ACAP1: variants seen among roughly 807,000 people sequenced by gnomAD.
The protein encoded by ACAP1 is arf-GAP with coiled-coil, ANK repeat and PH domain-containing protein 1.
A neutral mutation model predicts 98.8 loss-of-function variants in ACAP1; 45 were observed. The observed-to-expected ratio is 0.46, with a 90% CI of 0.36 to 0.58. The LOEUF is 0.58. Among genes scored for constraint, ACAP1 ranks in the 20% least tolerant of loss-of-function variants. The pLI, the probability that ACAP1 is intolerant of heterozygous loss-of-function variation, is 0.00. For missense variants in ACAP1, 735 were observed against 971.4 expected (o/e 0.76, Z 3.24); for synonymous variants, 362 against 375.3 (o/e 0.96, Z 0.41).
chr17:7,349,514 T>A (rs1332637677), intron 18 of ACAP1: 2 of 264,352 alleles, frequency 7.6e-6, no homozygotes, highest in Non-Finnish European at 1.4e-5. Flanking sequence ...TAGCTGGGAC[T>A]ACAGGCGCCA....
Position 7,342,024 on chromosome 17 carries a change from T to C in ACAP1, c.188T>C (p.Ile63Thr), listed in dbSNP as rs73977652. ...GCCAGCCGCGCCTTCGTTGTCGGCA[T>C]TTGTGACCTGGCCCGCCTGGGTCCA... ...LAASRAFVVGICDLARLGPPE... is the reference protein window; with the variant it reads ...LAASRAFVVGTCDLARLGPPE... Residue 63 changes from isoleucine to threonine, a missense_variant, in exon 3 of 22, where the codon ATT becomes ACT. By Grantham distance (89) the Ile-to-Thr change is moderately conservative. Around this residue, in one of 5 missense-constraint regions of ACAP1, gnomAD observed 430 missense variants for 531.8 expected, o/e 0.81. Transcript: ENST00000158762. The C allele has an allele frequency of 1.2e-5, 19 of 1,614,160 alleles. No homozygotes were observed. In the African/African-American group the frequency reaches 2.4e-4, roughly 20 times the overall value.
intron 1 of ACAP1, 79 bp downstream of exon 1, chr17:7,336,866 G>A (rs1439798915): frequency 6.6e-7 from 1 of 1,520,572 alleles, no homozygotes. Context: ...CCCCAGGCCA[G>A]GTCTCCTTCC....
Position 7,344,754 on chromosome 17 carries a change from T to C in ACAP1, c.854+106T>C. On this transcript the variant is annotated intron_variant, in intron 10 of 21. Coordinates refer to ENST00000158762, the MANE Select transcript of ACAP1 (RefSeq NM_014716.4). This position sits in a 1 kb window ranked among gnomAD's most constrained non-coding sequence, Gnocchi z 4.9. ...GGAAAAACAGACGAACCCCCCTGCC[T>C]CAGTAGAGTTTCATTCCATCAGCAA... 1.3e-6 allele frequency: 1 copy of C among 749,586 alleles called. No homozygotes were observed. The highest frequency in any genetic ancestry group is 2.7e-5 in the East Asian group (1 of 37,004). 46.4% of individuals were successfully genotyped at this position (749,586 alleles called of 1,614,324 possible).
rs147441123 is a variant in ACAP1, at chr17:7,343,922, G to A, written c.635G>A (p.Arg212Gln). 1.3e-4 allele frequency: 208 copies of A among 1,605,690 alleles called. 1 individual carries two copies. In the African/African-American group the frequency reaches 2.3e-3, roughly 18 times the overall value. The change falls in exon 8 of 22, where the codon CGG becomes CAG. Residue 212 changes from arginine (R) to glutamine (Q), a missense_variant. Physicochemically the swap from Arg to Gln is conservative, Grantham distance 43. Transcript: ENST00000158762. The surrounding 1 kb of genome is among the most constrained non-coding windows in gnomAD (Gnocchi z 4.9). ...CAGCAGGGCCATGAGGAGCTGAGCC[G>A]GCTGTCCCAGTATCGAAAGGAGCTG... ...HFQQGHEELS[R>Q]LSQYRKELGA...
At position 7,344,584 on chromosome 17, in the gene ACAP1, G is replaced by T; in HGVS notation, c.790G>T (p.Gly264Cys). ...AGAACCAAGCTTAAGAGAGGGGCCTGGTGGCCTGGTGATGGAAGGACATCT... is the reference window on the plus strand; with the variant it reads ...AGAACCAAGCTTAAGAGAGGGGCCTTGTGGCCTGGTGATGGAAGGACATCT... ...EPEPSLREGP[G>C]GLVMEGHLFK... The change falls in exon 10 of 22, where the codon GGT becomes TGT. Residue 264 changes from glycine (G) to cysteine (C), a missense_variant. This residue lies in a region of ACAP1 where 430 missense variants were observed against 531.8 expected (regional missense o/e 0.81). Transcript: ENST00000158762. The surrounding 1 kb of genome is among the most constrained non-coding windows in gnomAD (Gnocchi z 4.9). 1 of 1,551,522 alleles carries T rather than the reference G, an allele frequency of 6.4e-7. No homozygotes were observed. The highest frequency in any genetic ancestry group is 8.7e-7 in the Non-Finnish European group (1 of 1,146,962).
At position 7,351,458 on chromosome 17, in the gene ACAP1, GC is replaced by G; in HGVS notation, c.*65del. 1 of 1,259,356 alleles carries G rather than the reference GC, an allele frequency of 7.9e-7. No individual in the cohort carries two copies. Among genetic ancestry groups the G allele is most frequent in the Non-Finnish European group, 1.1e-6 (1 of 885,524 alleles). 78.0% of individuals were successfully genotyped at this position (1,259,356 alleles called of 1,614,324 possible). ...CGCCACCGGGCCCTCTGCCATTAAA[GC>G]CTCCGTGCTTCGCTCTTCCCTTCTG... On this transcript the variant is annotated 3_prime_UTR_variant, in exon 22 of 22. Transcript: ENST00000158762.
chr17:7,344,006 A>G lies in ACAP1; in HGVS notation c.670-43A>G, dbSNP rs1274077662. ...GGTAGAGGGAGGTTAGGGACTCCTA[A>G]CTGGGGGGCCTTGGACATCTGAGAT... On this transcript the variant is annotated intron_variant, in intron 8 of 21. Coordinates refer to ENST00000158762, the MANE Select transcript of ACAP1 (RefSeq NM_014716.4). The surrounding 1 kb of genome is among the most constrained non-coding windows in gnomAD (Gnocchi z 4.9). 6.3e-7 allele frequency: 1 copy of G among 1,576,128 alleles called. No homozygotes were observed. The highest frequency in any genetic ancestry group is 1.9e-5 in the Admixed American group (1 of 53,616).
Position 7,347,047 on chromosome 17 carries a change from C to A in ACAP1, c.1148C>A (p.Ala383Asp). Residue 383 changes from alanine to aspartate, a missense_variant, in exon 14 of 22, where the codon GCC becomes GAC. Ala to Asp is a moderately radical substitution (Grantham distance 126, BLOSUM62 -2). Transcript: ENST00000158762. Reference sequence around the variant, plus strand: ...CTCCCCCAGGGCTCAGGACACCTGGCCATAGGCTCTGCTGCCACCCTGGGC... The same window carrying A: ...CTCCCCCAGGGCTCAGGACACCTGGACATAGGCTCTGCTGCCACCCTGGGC... ...RGPGQGSGHL[A>D]IGSAATLGSG... 6.3e-7 allele frequency: 1 copy of A among 1,598,378 alleles called. No individual in the cohort carries two copies. Among genetic ancestry groups the A allele is most frequent in the Non-Finnish European group, 8.5e-7 (1 of 1,170,482 alleles).
chr17:7,341,302 T>C (rs1275975645), intron 2 of ACAP1, among the ~76,000 whole-genome samples: 2 of 152,082 alleles, frequency 1.3e-5, no homozygotes, highest in Non-Finnish European at 2.9e-5. Flanking sequence ...AGGCACTTGG[T>C]GCCATCTCAG....
chr17:7,346,980 A>G (rs1216619379), intron 13 of ACAP1, 49 bp downstream of exon 13: 32 of 1,583,586 alleles, frequency 2.0e-5, no homozygotes, highest in Non-Finnish European at 2.8e-5. Context: ...GAGATGGGGC[A>G]CCCTTTACCC....
chr17:7,337,895 T>C (rs2073237604), intron 2 of ACAP1, among the ~76,000 whole-genome samples: 1 of 151,988 alleles, frequency 6.6e-6, no homozygotes, highest in South Asian at 2.1e-4. Flanking sequence ...TGTTCTGCTC[T>C]TGAGCTCCTG....
intron 17 of ACAP1, 133 bp from the exon 18 acceptor site, chr17:7,348,862 T>TA: frequency 1.2e-6 from 1 of 831,232 alleles, no homozygotes; most frequent in Admixed American, 2.2e-5. Context: ...TGCATCACTC[T>TA]ATTCCCTCCA....
Position 7,342,295 on chromosome 17 carries a change from C to G in ACAP1, c.252C>G (p.Thr84=). 1 of 1,614,122 alleles carries G rather than the reference C, an allele frequency of 6.2e-7. No homozygotes were observed. Among genetic ancestry groups the G allele is most frequent in the Non-Finnish European group, 8.5e-7 (1 of 1,180,020 alleles). Residue 84 remains threonine, a synonymous_variant, in exon 4 of 22, where the codon ACC becomes ACG. Transcript: ENST00000158762. ...PMMAECLEKF[T]VSLNHKLDSH... ...CCTAGGAGTGTCTGGAAAAATTCAC[C>G]GTGAGCCTGAACCACAAGCTGGACA...
chr17:7,347,322 C>A, intron 14 of ACAP1, 80 bp downstream of exon 14: 1 of 1,317,748 alleles, frequency 7.6e-7, no homozygotes, highest in East Asian at 2.4e-5. Flanking sequence ...TCACACCGGC[C>A]CCTCTTCCTT....
rs749927164 is a variant in ACAP1, at chr17:7,348,433, C to G, written c.1636C>G (p.Pro546Ala). The change falls in exon 17 of 22, where the codon CCT (proline) becomes GCT (alanine). Residue 546 changes from proline (P) to alanine (A), a missense_variant. This residue lies in a region of ACAP1 where 80 missense variants were observed against 64.4 expected (regional missense o/e 1.24). Coordinates refer to ENST00000158762, the MANE Select transcript of ACAP1 (RefSeq NM_014716.4). ...PRGQPPVPPK[P>A]SIRPRPGSLR... ...GGGGCAGCCTCCTGTGCCCCCAAAG[C>G]CTTCCATCAGGCCCCGGCCAGGGAG... 2.0e-6 allele frequency: 3 copies of G among 1,504,748 alleles called. No individual in the cohort carries two copies. Among genetic ancestry groups the G allele is most frequent in the Non-Finnish European group, 2.7e-6 (3 of 1,128,310 alleles). The allele number at this position is 1,504,748 out of a possible 1,614,324, so 93.2% of individuals were successfully genotyped here. A position where few individuals can be genotyped will look rare whatever the true frequency, so the allele number is the denominator to read the frequency against.
chr17:7,342,794 G>A (rs2073301576), intron 5 of ACAP1: 1 of 396,670 alleles, frequency 2.5e-6, no homozygotes, highest in Admixed American at 4.0e-5. Flanking sequence ...TGTAATCCCA[G>A]CTACTCAGGA....
At chr17:7,341,806 G>T (rs996882206) in intron 2 of ACAP1, 142 bp from the exon 3 acceptor site, 22 of 1,188,094 alleles carry the variant, frequency 1.9e-5, no homozygotes, top group Admixed American at 4.6e-5. Flanking sequence ...GGGAGAGCTG[G>T]ATGAGCCTGG....
At chr17:7,341,062 G>A (rs914516581) in intron 2 of ACAP1, among the ~76,000 whole-genome samples, 7 of 152,138 alleles carry the variant, frequency 4.6e-5, no homozygotes, top group East Asian at 1.9e-4. Context: ...GCCCTGACCC[G>A]TGGTCTAGAT....
intron 12 of ACAP1, 88 bp downstream of exon 12, chr17:7,346,579 A>G (rs1475445987): frequency 5.5e-6 from 7 of 1,271,742 alleles, no homozygotes; most frequent in Admixed American, 2.3e-5. Flanking sequence ...GAGGCCCCCC[A>G]TGCAGCTCCA....
Sources: allele counts gnomAD v4.1 joint callset (sites outside exome capture counted in the v4.1 genomes callset), GRCh38; gene constraint gnomAD v4.1.1; regional missense constraint gnomAD v4.1.1; non-coding constraint Gnocchi (gnomAD v3.1); transcripts MANE v1.5; gene names NCBI Gene and HGNC (gene_info 2026-07-23, HGNC 2026-07-21).